The following CLINT1 variants were observed in gnomAD, a reference collection of about 807,000 sequenced individuals.
CLINT1 encodes the protein clathrin interactor 1, also known as clathrin interacting protein localized in the trans-Golgi region.
Under a neutral mutation model 70.4 loss-of-function variants are expected in CLINT1, and 15 were observed. The ratio of observed to expected loss-of-function variants is 0.21; its 90% CI spans 0.14 to 0.33. The LOEUF (loss-of-function observed/expected upper bound fraction) is 0.33, where lower values mean the gene tolerates loss of function less well. Among genes scored for constraint, CLINT1 ranks in the 10% least tolerant of loss-of-function variants. The pLI, the probability that CLINT1 is intolerant of heterozygous loss-of-function variation, is 1.00. For synonymous variants in CLINT1, 227 were observed against 254.7 expected (o/e 0.89, Z 1.04); for missense variants, 615 against 778.1 (o/e 0.79, Z 2.49).
At chr5:157,801,262 T>C (rs556930606) in intron 8 of CLINT1, among the ~76,000 whole-genome samples, 1 of 151,728 alleles carries the variant, frequency 6.6e-6, no homozygotes, top group African/African-American at 2.4e-5. Context: ...ATCCCAGCAC[T>C]TTGGGAGGCC....
At chr5:157,850,296 C>T (rs991398336) in intron 1 of CLINT1, among the ~76,000 whole-genome samples, 3 of 152,112 alleles carry the variant, frequency 2.0e-5, no homozygotes, top group Admixed American at 1.3e-4. Context: ...CATTCAGTAC[C>T]GAACTTATAA....
intron 1 of CLINT1, among the ~76,000 whole-genome samples, chr5:157,832,188 G>T (rs146703159): frequency 6.6e-6 from 1 of 152,070 alleles, no homozygotes; most frequent in East Asian, 1.9e-4. Flanking sequence ...TTGCCATGTT[G>T]GCCAGGATGG....
At chr5:157,821,086 C>T (rs1370506843) in intron 1 of CLINT1, among the ~76,000 whole-genome samples, 22 of 151,918 alleles carry the variant, frequency 1.4e-4, no homozygotes, top group Admixed American at 1.3e-3. Context: ...TTTAAAGTAC[C>T]GGCAACCATT....
intron 1 of CLINT1, among the ~76,000 whole-genome samples, chr5:157,822,086 T>A (rs1289030864): frequency 6.6e-6 from 1 of 152,204 alleles, no homozygotes; most frequent in African/African-American, 2.4e-5. Context: ...AATCTCATCT[T>A]GAATTGTACT....
rs549211867 is a variant in CLINT1, at chr5:157,846,641, A to G, written c.41+12289T>C. The stretch of plus-strand genomic sequence containing the variant: ...AGTGGTTACACTAAACAGATTTTCA[A>G]TGGAGATGAAACGGCCTTCCAGTGG... On this transcript the variant is annotated intron_variant, in intron 1 of 11. Transcript: ENST00000411809. 7.2e-5 allele frequency among the ~76,000 whole-genome samples: 11 copies of G among 152,370 alleles called. No homozygotes were observed. The South Asian group carries it at 2.3e-3, about 32-fold the overall frequency.
chr5:157,793,849 A>T (rs911926136), intron 9 of CLINT1, among the ~76,000 whole-genome samples: 3 of 152,184 alleles, frequency 2.0e-5, no homozygotes, highest in Non-Finnish European at 4.4e-5. Context: ...AACCTAACCA[A>T]ATATTACTAA....
In CLINT1 at chr5:157,789,522, A is replaced by C; in HGVS notation, c.1381-9T>G. On this transcript the variant is annotated splice_polypyrimidine_tract_variant and intron_variant, in intron 10 of 11. Transcript: ENST00000411809. ...TGGACCATATCTGTATTCTGATTAT[A>C]GAGAGGATTAGGCTTCTGCAGCACT... 4 of 1,614,024 alleles carry C rather than the reference A, an allele frequency of 2.5e-6. No homozygotes were observed. Among genetic ancestry groups the C allele is most frequent in the Non-Finnish European group, 3.4e-6 (4 of 1,179,874 alleles).
chr5:157,858,814 G>A (rs1183923621), intron 1 of CLINT1, 116 bp downstream of exon 1: 1 of 1,136,786 alleles, frequency 8.8e-7, no homozygotes, highest in East Asian at 3.0e-5. Context: ...CCGCCATGAT[G>A]GGGCTGGCAG....
Position 157,852,478 on chromosome 5 carries a change from A to G in CLINT1, c.41+6452T>C, listed in dbSNP as rs374547080. On this transcript the variant is annotated intron_variant, in intron 1 of 11. Coordinates refer to ENST00000411809, the MANE Select transcript of CLINT1 (RefSeq NM_014666.4). ...TACTTACAAATAACCTAGTCTGACA[A>G]TGATATCTCTATTTTCACAAACACT... Among the ~76,000 whole-genome samples, 248 of 152,342 alleles carry G rather than the reference A, an allele frequency of 1.6e-3. 2 individuals carry two copies. Among genetic ancestry groups the G allele is most frequent in the African/African-American group, 5.6e-3 (232 of 41,580 alleles).
At position 157,787,425 on chromosome 5, in the gene CLINT1, C is replaced by T. The variant is rs914332652; in HGVS notation, c.*221G>A. 21 of 577,244 alleles carry T rather than the reference C, an allele frequency of 3.6e-5. No homozygotes were observed. The highest frequency in any genetic ancestry group is 3.0e-4 in the African/African-American group (16 of 53,366). 35.8% of individuals were successfully genotyped at this position (577,244 alleles called of 1,614,324 possible). ...ACCACCCACTTGTGGTCTATCCTCA[C>T]TGGAAAAAAATGATTTTGACTGCCT... On this transcript the variant is annotated 3_prime_UTR_variant, in exon 12 of 12. Transcript: ENST00000411809.
chr5:157,806,943 GT>G (rs1354758482), intron 6 of CLINT1, among the ~76,000 whole-genome samples: 1 of 149,906 alleles, frequency 6.7e-6, no homozygotes, highest in East Asian at 1.9e-4. Flanking sequence ...AAGTCATTGG[GT>G]TTTTTTCTGA....
intron 1 of CLINT1, among the ~76,000 whole-genome samples, chr5:157,830,794 C>A (rs202174624): frequency 0.12 from 12,895 of 105,000 alleles, 694 homozygotes; most frequent in African/African-American, 0.18. Context: ...CTCTCTCTCT[C>A]TCTATATATA....
chr5:157,787,552 A>T lies in CLINT1; in HGVS notation c.*94T>A. ...TGTAGATTTATTTTAATTACTTGATAAAAGAAAGGGTAGTTGATTAGCATT... is the reference window on the plus strand; with the variant it reads ...TGTAGATTTATTTTAATTACTTGATTAAAGAAAGGGTAGTTGATTAGCATT... On this transcript the variant is annotated 3_prime_UTR_variant, in exon 12 of 12. Coordinates refer to ENST00000411809, the MANE Select transcript of CLINT1 (RefSeq NM_014666.4). 1 of 1,014,262 alleles carries T rather than the reference A, an allele frequency of 9.9e-7. No homozygotes were observed. Among genetic ancestry groups the T allele is most frequent in the African/African-American group, 1.6e-5 (1 of 62,156 alleles). The allele number at this position is 1,014,262 out of a possible 1,614,324, so 62.8% of individuals were successfully genotyped here.
intron 1 of CLINT1, among the ~76,000 whole-genome samples, chr5:157,852,584 T>C (rs1449267803): frequency 6.6e-6 from 1 of 152,256 alleles, no homozygotes; most frequent in African/African-American, 2.4e-5. Context: ...GAGTTTACTG[T>C]ATGTCAAGTA....
chr5:157,810,184 T>C (rs1346613498), intron 5 of CLINT1, among the ~76,000 whole-genome samples: 1 of 152,236 alleles, frequency 6.6e-6, no homozygotes. Context: ...TTATATTTTA[T>C]TCCTGTCCCT....
intron 1 of CLINT1, among the ~76,000 whole-genome samples, chr5:157,838,878 G>A (rs1370768842): frequency 2.0e-5 from 3 of 152,148 alleles, no homozygotes; most frequent in Non-Finnish European, 4.4e-5. Flanking sequence ...AGCATTGCTA[G>A]AAGTAGTGAA....
At chr5:157,838,603 A>G (rs547756193) in intron 1 of CLINT1, among the ~76,000 whole-genome samples, 11 of 152,234 alleles carry the variant, frequency 7.2e-5, no homozygotes, top group Non-Finnish European at 1.6e-4. Context: ...GCCAGCATTT[A>G]ATTAGAATAG....
intron 8 of CLINT1, among the ~76,000 whole-genome samples, chr5:157,801,449 G>A (rs1762217848): frequency 6.6e-6 from 1 of 152,074 alleles, no homozygotes. Context: ...AGAGGTTGCA[G>A]TGAGTCAAGA....
intron 3 of CLINT1, among the ~76,000 whole-genome samples, chr5:157,814,681 T>A (rs139535517): frequency 6.6e-6 from 1 of 152,212 alleles, no homozygotes; most frequent in African/African-American, 2.4e-5. Context: ...TAAACAATCC[T>A]ATAGTATTTT....
Sources: gnomAD v4.1 joint callset for allele counts (sites outside exome capture counted in the v4.1 genomes callset) on GRCh38, gnomAD v4.1.1 for gene constraint, MANE v1.5 for transcripts, NCBI Gene and HGNC (gene_info 2026-07-23, HGNC 2026-07-21) for gene names.